Variants in WDR86 observed in about 807,000 individuals in gnomAD.
WDR86 encodes the protein WD repeat domain 86, also known as WD repeat-containing protein 86.
Under a neutral mutation model 36.5 loss-of-function variants are expected in WDR86, and 30 were observed. That is an observed-to-expected ratio of 0.82 (90% CI 0.61 to 1.11). The LOEUF is 1.11. WDR86 is among the 50% of genes most tolerant of loss of function. WDR86 has a pLI of 0.00. For synonymous variants in WDR86, 255 were observed against 252.9 expected, an observed-to-expected ratio of 1.01 and a Z score of -0.08; for missense variants, 545 against 561.2, an observed-to-expected ratio of 0.97 and a Z score of 0.29.
the WDR86 span, chr7:151,369,176 T>A: frequency 5.1e-6 from 1 of 197,008 alleles, no homozygotes; most frequent in South Asian, 1.1e-4. Context: ...CCTGGCTAAT[T>A]TTTGTATTTT....
At chr7:151,402,070 A>AAAAAAAAAAAAAAAAATATATATATAT in intron 1 of WDR86, among the ~76,000 whole-genome samples, 4 of 50,526 alleles carry the variant, frequency 7.9e-5, no homozygotes, top group African/African-American at 2.4e-4. Context: ...AAAAAAAAAA[A>AAAAAAAAAAAAAAAAATATATATATAT]ATATATATAT....
At chr7:151,385,858 G>A (rs75320207) in intron 3 of WDR86, among the ~76,000 whole-genome samples, 2 of 152,138 alleles carry the variant, frequency 1.3e-5, no homozygotes. Flanking sequence ...CAAGATGGAC[G>A]GGAGTAGCGG....
In WDR86 at chr7:151,409,256, G is replaced by T; in HGVS notation, c.163+171C>A. The T allele has an allele frequency of 1.9e-6, 2 of 1,033,598 alleles. No individual in the cohort carries two copies. The highest frequency in any genetic ancestry group is 2.7e-6 in the Non-Finnish European group (2 of 738,600). The allele number at this position is 1,033,598 out of a possible 1,614,324, so 64.0% of individuals were successfully genotyped here. ...CCCCCAGACCTCACCCTGCCCTGCC[G>T]TGCGCTCAACAGCCAGATGCTGGGC... On this transcript the variant is annotated intron_variant, in intron 1 of 5. Transcript: ENST00000334493. The surrounding 1 kb of genome is among the most constrained non-coding windows in gnomAD (Gnocchi z 5.2).
In WDR86 at chr7:151,390,355, AT is replaced by A. The variant is rs1158972537; in HGVS notation, c.727-5133del. On this transcript the variant is annotated intron_variant, in intron 3 of 5. Coordinates refer to ENST00000334493, the MANE Select transcript of WDR86 (RefSeq NM_198285.3). The surrounding 1 kb of genome is among the most constrained non-coding windows in gnomAD (Gnocchi z 4.5). ...GCCATCGTGTGTCCCCACTTGGCAG[AT>A]TGTGAAAAAGGAGTCCCCCCAACCC... is the stretch of plus-strand genomic sequence containing the variant. Among the ~76,000 whole-genome samples, 8 of 152,108 alleles carry A rather than the reference AT, an allele frequency of 5.3e-5. No individual in the cohort carries two copies. The highest frequency in any genetic ancestry group is 1.0e-4 in the Non-Finnish European group (7 of 67,996).
At chr7:151,381,048 C>A, downstream of WDR86, 1 of 922,012 alleles carries the variant, frequency 1.1e-6, no homozygotes. The surrounding 1 kb of genome is among the most constrained non-coding windows in gnomAD (Gnocchi z 4.8). Context: ...GCCCGCCGCC[C>A]TGGGTTCCTG....
intron 1 of WDR86, among the ~76,000 whole-genome samples, chr7:151,400,584 T>C (rs1178891449): frequency 6.6e-6 from 1 of 152,190 alleles, no homozygotes; most frequent in East Asian, 1.9e-4. Context: ...GGTTTCGCCA[T>C]GTTAGTCAGG....
chr7:151,374,115 A>C, downstream of WDR86: 1 of 1,562,790 alleles, frequency 6.4e-7, no homozygotes, highest in Non-Finnish European at 8.7e-7. Context: ...CCAAATAAGG[A>C]AGGAGGAAAA....
intron 4 of WDR86, among the ~76,000 whole-genome samples, chr7:151,383,331 G>A (rs991381927): frequency 1.3e-5 from 2 of 152,044 alleles, no homozygotes; most frequent in African/African-American, 4.8e-5. Context: ...AAAATTAGCT[G>A]GGTGTGGTGG....
downstream of WDR86, among the ~76,000 whole-genome samples, chr7:151,379,059 G>A (rs964887397): frequency 2.0e-5 from 3 of 152,350 alleles, no homozygotes; most frequent in South Asian, 2.1e-4. Flanking sequence ...AGGAGAGGCC[G>A]TTGCAGAGGA....
Position 151,388,529 on chromosome 7 carries a change from C to T in WDR86, c.727-3306G>A, listed in dbSNP as rs1799156879. Among the ~76,000 whole-genome samples, 1 of 152,216 alleles carries T rather than the reference C, an allele frequency of 6.6e-6. No homozygotes were observed. The highest frequency in any genetic ancestry group is 6.5e-5 in the Admixed American group (1 of 15,284). The stretch of plus-strand genomic sequence containing the variant: ...TTTGTCGCTTAGAAGCAGGTCCTCA[C>T]ACCATCTCTGGCCCGACCCTCTCCA... On this transcript the variant is annotated intron_variant, in intron 3 of 5. Transcript: ENST00000334493. The surrounding 1 kb of genome is among the most constrained non-coding windows in gnomAD (Gnocchi z 4.2).
At chr7:151,391,930 C>A (rs185652270) in intron 3 of WDR86, among the ~76,000 whole-genome samples, 11 of 152,170 alleles carry the variant, frequency 7.2e-5, no homozygotes, top group Admixed American at 2.6e-4. Context: ...AGCCACCAGG[C>A]CTTCCTAGTG....
At chr7:151,400,303 T>TG (rs1800192464) in intron 1 of WDR86, 62 bp from the exon 2 acceptor site, 1 of 1,460,416 alleles carries the variant, frequency 6.8e-7, no homozygotes, top group Non-Finnish European at 9.1e-7. Context: ...GCTTTTCTTC[T>TG]GGGAACAATG....
chr7:151,393,904 T>C (rs947344050), intron 3 of WDR86, among the ~76,000 whole-genome samples: 6 of 152,100 alleles, frequency 3.9e-5, no homozygotes, highest in African/African-American at 1.4e-4. Flanking sequence ...TGGCAGAGTG[T>C]GCCTCCCCAA....
At chr7:151,377,307 C>A, downstream of WDR86, 108 of 775,994 alleles carry the variant, frequency 1.4e-4, no homozygotes, top group Middle Eastern at 4.3e-4. Flanking sequence ...TCTGTTCTTA[C>A]TTTTTATCTG....
chr7:151,396,106 C>A lies in WDR86; in HGVS notation c.396G>T (p.Glu132Asp), dbSNP rs1413157401. The change falls in exon 3 of 6, where the codon GAG becomes GAT. Residue 132 changes from glutamate to aspartate, a missense_variant. By Grantham distance (45) the Glu-to-Asp change is conservative (BLOSUM62 2). Coordinates refer to ENST00000334493, the MANE Select transcript of WDR86 (RefSeq NM_198285.3). ...WSVDKGQMSREFRGHRNCVLT... is the reference protein window; with the variant it reads ...WSVDKGQMSRDFRGHRNCVLT... ...GCACGCAGTTGCGGTGGCCCCGGAA[C>A]TCCCGGGACATCTGCCCCTTGTCCA... 3.1e-6 allele frequency: 5 copies of A among 1,612,870 alleles called. No individual in the cohort carries two copies. In the Admixed American group the frequency reaches 6.7e-5, roughly 21 times the overall value.
downstream of WDR86, among the ~76,000 whole-genome samples, chr7:151,375,019 C>T (rs970943531): frequency 3.2e-4 from 5 of 15,822 alleles, no homozygotes; most frequent in South Asian, 1.9e-3. Context: ...GTGCTGGGGG[C>T]GGGGCTGGGG....
downstream of WDR86, chr7:151,374,143 G>A (rs766868195): frequency 1.8e-5 from 29 of 1,573,908 alleles, no homozygotes; most frequent in Admixed American, 1.9e-4. Context: ...AAAAGACGCC[G>A]CCTCGAGAAC....
downstream of WDR86, chr7:151,377,066 A>G (rs954469694): frequency 5.1e-6 from 8 of 1,562,574 alleles, no homozygotes; most frequent in Admixed American, 2.0e-5. Flanking sequence ...GTGCCTCAAC[A>G]GACGAAGACA....
Position 151,400,201 on chromosome 7 carries a change from C to T in WDR86, c.204G>A (p.Glu68=), listed in dbSNP as rs1800183361. The T allele has an allele frequency of 1.2e-6, 2 of 1,611,294 alleles. No individual in the cohort carries two copies. Among genetic ancestry groups the T allele is most frequent in the Non-Finnish European group, 1.7e-6 (2 of 1,178,754 alleles). ...SYVTFCQLED[E]AAFTCSADCT... ...AGTCGGCGCTGCATGTGAAGGCAGCCTCATCCTCCAGCTGGCAGAAGGTCA... is the reference window on the plus strand; with the variant it reads ...AGTCGGCGCTGCATGTGAAGGCAGCTTCATCCTCCAGCTGGCAGAAGGTCA... Residue 68 remains glutamate, a synonymous_variant, in exon 2 of 6, where the codon GAG becomes GAA. Coordinates refer to ENST00000334493, the MANE Select transcript of WDR86 (RefSeq NM_198285.3).
Sources: gnomAD v4.1 joint callset for allele counts (sites outside exome capture counted in the v4.1 genomes callset) on GRCh38, gnomAD v4.1.1 for gene constraint, Gnocchi (gnomAD v3.1) non-coding constraint, MANE v1.5 for transcripts, NCBI Gene and HGNC (gene_info 2026-07-23, HGNC 2026-07-21) for gene names.